The following SYNPO2 variants were observed in gnomAD, a reference collection of about 807,000 sequenced individuals.
The protein encoded by SYNPO2 is synaptopodin 2.
A neutral mutation model predicts 85.0 loss-of-function variants in SYNPO2; 56 were observed. The ratio of observed to expected loss-of-function variants is 0.66; its 90% CI spans 0.53 to 0.82. The LOEUF (loss-of-function observed/expected upper bound fraction) is 0.82, where lower values mean the gene tolerates loss of function less well. SYNPO2 is among the 40% of genes least tolerant of loss of function. The pLI is 0.00. For synonymous variants in SYNPO2, 602 were observed against 591.1 expected (o/e 1.02, Z -0.27); for missense variants, 1,575 against 1,534.2 (o/e 1.03, Z -0.44).
intron 1 of SYNPO2, among the ~76,000 whole-genome samples, chr4:118,989,992 T>G (rs1361976956): frequency 1.3e-5 from 2 of 152,220 alleles, no homozygotes; most frequent in Non-Finnish European, 2.9e-5. Context: ...CCTCTGCCCC[T>G]AAAGGTGAGA....
chr4:118,892,627 A>C (rs1732413502), intron 1 of SYNPO2, among the ~76,000 whole-genome samples: 1 of 152,108 alleles, frequency 6.6e-6, no homozygotes, highest in African/African-American at 2.4e-5. Flanking sequence ...TTTACAAAAA[A>C]TCTTACCTGC....
At chr4:119,044,650 T>A (rs760296107) in intron 4 of SYNPO2, among the ~76,000 whole-genome samples, 4 of 152,156 alleles carry the variant, frequency 2.6e-5, no homozygotes, top group Non-Finnish European at 4.4e-5. Flanking sequence ...GATTCCTAAT[T>A]TTAAACCTCA....
chr4:119,011,883 A>C (rs1173372598), intron 1 of SYNPO2, among the ~76,000 whole-genome samples: 1 of 151,708 alleles, frequency 6.6e-6, no homozygotes, highest in Non-Finnish European at 1.5e-5. Flanking sequence ...GTAGCTTGGC[A>C]AAGATTTTCT....
At chr4:118,959,381 A>T (rs1211156800) in intron 1 of SYNPO2, among the ~76,000 whole-genome samples, 1 of 152,216 alleles carries the variant, frequency 6.6e-6, no homozygotes, top group African/African-American at 2.4e-5. Context: ...AAGAAGAGTG[A>T]TGGTTACCAT....
At chr4:118,872,657 A>G (rs1248100924) in intron 1 of SYNPO2, among the ~76,000 whole-genome samples, 2 of 152,188 alleles carry the variant, frequency 1.3e-5, no homozygotes, top group Non-Finnish European at 2.9e-5. Flanking sequence ...AGGACACCCT[A>G]CTATGTATCT....
intron 1 of SYNPO2, among the ~76,000 whole-genome samples, chr4:118,895,228 C>T (rs967140835): frequency 4.6e-5 from 7 of 152,114 alleles, no homozygotes; most frequent in Non-Finnish European, 1.0e-4. Context: ...AAACTCTTTC[C>T]CTAGTCACTG....
intron 1 of SYNPO2, among the ~76,000 whole-genome samples, chr4:118,897,096 G>A (rs1435263961): frequency 1.3e-5 from 2 of 152,166 alleles, no homozygotes; most frequent in Non-Finnish European, 2.9e-5. Flanking sequence ...TTGACTCACA[G>A]TTTCACATGG....
intron 4 of SYNPO2, among the ~76,000 whole-genome samples, chr4:119,048,102 T>G (rs1738925705): frequency 6.6e-6 from 1 of 152,250 alleles, no homozygotes; most frequent in South Asian, 2.1e-4. Flanking sequence ...AAATCATTTA[T>G]TTGAACCTTA....
intron 1 of SYNPO2, among the ~76,000 whole-genome samples, chr4:119,008,981 TG>T (rs1737187294): frequency 6.6e-6 from 1 of 152,212 alleles, no homozygotes; most frequent in African/African-American, 2.4e-5. Flanking sequence ...TCATCATATT[TG>T]GTTTCAAATG....
chr4:118,960,752 G>A (rs1011639864), intron 1 of SYNPO2, among the ~76,000 whole-genome samples: 3 of 152,040 alleles, frequency 2.0e-5, no homozygotes, highest in Non-Finnish European at 4.4e-5. Context: ...TGACATTAAT[G>A]TCTCAGGCTT....
chr4:118,878,895 C>G (rs1027315550), intron 1 of SYNPO2, among the ~76,000 whole-genome samples: 1 of 152,308 alleles, frequency 6.6e-6, no homozygotes, highest in East Asian at 1.9e-4. Flanking sequence ...ATGTTTTGTT[C>G]TTTCTCTCTC....
intron 1 of SYNPO2, among the ~76,000 whole-genome samples, chr4:118,874,521 G>T (rs984488274): frequency 1.3e-5 from 2 of 152,282 alleles, no homozygotes; most frequent in East Asian, 1.9e-4. Context: ...ATACAACTGT[G>T]CATCTGATAT....
At chr4:118,909,813 C>T (rs923222618) in intron 1 of SYNPO2, among the ~76,000 whole-genome samples, 8 of 152,150 alleles carry the variant, frequency 5.3e-5, no homozygotes, top group African/African-American at 1.7e-4. Context: ...TTCCAGGGCC[C>T]AGCCTGAGTC....
intron 4 of SYNPO2, among the ~76,000 whole-genome samples, chr4:119,040,642 G>T (rs750231165): frequency 1.3e-5 from 2 of 152,228 alleles, no homozygotes; most frequent in Non-Finnish European, 2.9e-5. Flanking sequence ...GTAATATGAA[G>T]AGAGCTCTTC....
intron 1 of SYNPO2, among the ~76,000 whole-genome samples, chr4:118,894,905 C>A (rs775630201): frequency 3.3e-5 from 5 of 151,320 alleles, no homozygotes; most frequent in Admixed American, 1.3e-4. Context: ...GTCAAATTTT[C>A]ATTCATTTTG....
At chr4:118,995,795 T>C (rs1736563030) in intron 1 of SYNPO2, among the ~76,000 whole-genome samples, 1 of 152,212 alleles carries the variant, frequency 6.6e-6, no homozygotes, top group Admixed American at 6.5e-5. Flanking sequence ...TTCTATTGGA[T>C]AGTGCTAGGT....
intron 1 of SYNPO2, among the ~76,000 whole-genome samples, chr4:118,962,933 G>C (rs980433230): frequency 1.3e-5 from 2 of 152,158 alleles, no homozygotes; most frequent in African/African-American, 4.8e-5. Flanking sequence ...TGGAATTGTG[G>C]GTGCAGCCAT....
intron 1 of SYNPO2, among the ~76,000 whole-genome samples, chr4:118,976,364 G>C (rs1352682932): frequency 6.6e-6 from 1 of 152,194 alleles, no homozygotes; most frequent in African/African-American, 2.4e-5. Flanking sequence ...TCTTCGCGGT[G>C]AGTGTTACAG....
At chr4:119,032,100 T>C in intron 4 of SYNPO2, 73 bp downstream of exon 4, 1 of 1,557,448 alleles carries the variant, frequency 6.4e-7, no homozygotes, top group Non-Finnish European at 8.7e-7. Flanking sequence ...TGAAATGAAT[T>C]GTTTGCAGTG....
Sources: allele counts gnomAD v4.1 joint callset (sites outside exome capture counted in the v4.1 genomes callset), GRCh38; gene constraint gnomAD v4.1.1; transcripts MANE v1.5; gene names NCBI Gene and HGNC (gene_info 2026-07-23, HGNC 2026-07-21).